FABP12: variants seen among roughly 807,000 people sequenced by gnomAD.
FABP12 encodes fatty acid-binding protein 12.
In FABP12, 19 loss-of-function variants were observed where a neutral mutation model predicts 13.7. The observed-to-expected ratio is 1.39, with a 90% CI of 0.97 to 2.04. The LOEUF is 2.04. FABP12 is among the 30% of genes most tolerant of loss of function. The pLI is 0.00. For missense variants in FABP12, 182 were observed against 164.2 expected (o/e 1.11, Z -0.59); for synonymous variants, 61 against 57.0 (o/e 1.07, Z -0.32).
At chr8:81,535,782 C>T (rs1367019717), upstream of FABP12, among the ~76,000 whole-genome samples, 2 of 152,172 alleles carry the variant, frequency 1.3e-5, no homozygotes, top group East Asian at 3.8e-4. Context: ...CTTCTGTGGG[C>T]TTGTCACCTA....
chr8:81,566,384 A>G (rs1809820250), intron 1 of FABP12, among the ~76,000 whole-genome samples: 1 of 152,124 alleles, frequency 6.6e-6, no homozygotes, highest in African/African-American at 2.4e-5. Context: ...CTACAAGCCA[A>G]TATCTGTGAT....
At chr8:81,536,574 G>A (rs1400770898), upstream of FABP12, among the ~76,000 whole-genome samples, 1 of 152,176 alleles carries the variant, frequency 6.6e-6, no homozygotes, top group African/African-American at 2.4e-5. Context: ...CCTACTAAAG[G>A]AAAGATCCCT....
At chr8:81,527,186 G>C in intron 3 of FABP12, 65 bp from the exon 4 acceptor site, 1 of 913,874 alleles carries the variant, frequency 1.1e-6, no homozygotes, top group East Asian at 2.6e-5. Flanking sequence ...ATTTTATCAG[G>C]CAGCAAATTC....
At chr8:81,558,887 CAAAAAAAAAAAAAA>C (rs35682824) in intron 1 of FABP12, among the ~76,000 whole-genome samples, 1 of 67,532 alleles carries the variant, frequency 1.5e-5, no homozygotes, top group African/African-American at 5.2e-5. Flanking sequence ...AAGGCTCCAT[CAAAAAAAAAAAAAA>C]AAAAAAAAAA....
intron 1 of FABP12, among the ~76,000 whole-genome samples, chr8:81,561,706 A>G (rs1286763528): frequency 6.6e-6 from 1 of 152,180 alleles, no homozygotes; most frequent in African/African-American, 2.4e-5. Flanking sequence ...GCCGAAAGCA[A>G]CACTAGAAGA....
At chr8:81,526,280 G>A (rs1034979030) in intron 4 of FABP12, 3 of 152,164 alleles carry the variant, frequency 2.0e-5, no homozygotes, top group African/African-American at 7.2e-5. Context: ...ATAGGTGGGG[G>A]TTTGGGAGAA....
intron 1 of FABP12, among the ~76,000 whole-genome samples, chr8:81,544,591 A>C (rs1809404603): frequency 6.6e-6 from 1 of 152,138 alleles, no homozygotes; most frequent in South Asian, 2.1e-4. Context: ...AACTATGGGG[A>C]ACAAGGTCTC....
upstream of FABP12, among the ~76,000 whole-genome samples, chr8:81,538,939 C>T (rs1809284950): frequency 6.6e-6 from 1 of 152,140 alleles, no homozygotes; most frequent in African/African-American, 2.4e-5. Context: ...ACCTCCACCT[C>T]CTGGGTTCAA....
At chr8:81,532,815 A>G (rs1809110721) in intron 1 of FABP12, 1 of 152,462 alleles carries the variant, frequency 6.6e-6, no homozygotes, top group South Asian at 2.1e-4. Context: ...TGGGCAACAG[A>G]GCAAGACTCC....
At chr8:81,566,032 A>G (rs1268565239) in intron 1 of FABP12, among the ~76,000 whole-genome samples, 1 of 152,052 alleles carries the variant, frequency 6.6e-6, no homozygotes, top group African/African-American at 2.4e-5. Flanking sequence ...TGGCTACTAT[A>G]AGCAATTATA....
At chr8:81,576,055 T>C (rs1194359998) in intron 1 of FABP12, among the ~76,000 whole-genome samples, 1 of 152,250 alleles carries the variant, frequency 6.6e-6, no homozygotes, top group Non-Finnish European at 1.5e-5. Flanking sequence ...AAAGCAAATG[T>C]ATTTGCAAAT....
intron 2 of FABP12, among the ~76,000 whole-genome samples, chr8:81,539,608 GA>G (rs1237547529): frequency 6.6e-6 from 1 of 152,086 alleles, no homozygotes; most frequent in Non-Finnish European, 1.5e-5. Flanking sequence ...CATGCTATGC[GA>G]TGCCTTACTC....
chr8:81,567,326 A>T (rs1809842127), intron 1 of FABP12, among the ~76,000 whole-genome samples: 1 of 152,216 alleles, frequency 6.6e-6, no homozygotes, highest in South Asian at 2.1e-4. Flanking sequence ...ATTTATATGG[A>T]ACCATAAAAG....
In FABP12 at chr8:81,574,659, C is replaced by T. The variant is rs181361035; in HGVS notation, c.-185+15394G>A. ...ATTGTTCTGTTCAGGGTATCTAAGT[C>T]TTCCTGATTTAAGCTAGGAGCATTG... On this transcript the variant is annotated intron_variant, in intron 1 of 5. Transcript: ENST00000692030. 4.3e-3 allele frequency among the ~76,000 whole-genome samples: 658 copies of T among 152,218 alleles called. 2 individuals are homozygous for T. Among genetic ancestry groups the T allele is most frequent in the Non-Finnish European group, 7.1e-3 (486 of 67,998 alleles).
chr8:81,535,934 C>G (rs1183108376), upstream of FABP12, among the ~76,000 whole-genome samples: 1 of 152,144 alleles, frequency 6.6e-6, no homozygotes, highest in East Asian at 1.9e-4. Flanking sequence ...TGAAGCAGCA[C>G]CCTTGTTGGC....
At chr8:81,550,131 C>T (rs891409439) in intron 1 of FABP12, among the ~76,000 whole-genome samples, 26 of 152,008 alleles carry the variant, frequency 1.7e-4, no homozygotes, top group African/African-American at 4.6e-4. Context: ...ATTCATATAC[C>T]CACTTATCCT....
intron 1 of FABP12, among the ~76,000 whole-genome samples, chr8:81,576,741 A>T (rs1447155378): frequency 6.6e-6 from 1 of 152,210 alleles, no homozygotes; most frequent in East Asian, 1.9e-4. Flanking sequence ...GAGTGGCTTA[A>T]AACCACAAAG....
intron 1 of FABP12, among the ~76,000 whole-genome samples, chr8:81,551,510 A>T (rs1280886722): frequency 6.6e-6 from 1 of 152,170 alleles, no homozygotes; most frequent in East Asian, 1.9e-4. Context: ...CTCGTTTTAT[A>T]AAAAGACTTA....
At chr8:81,569,993 C>G (rs1247502658) in intron 1 of FABP12, among the ~76,000 whole-genome samples, 1 of 152,216 alleles carries the variant, frequency 6.6e-6, no homozygotes, top group African/African-American at 2.4e-5. Flanking sequence ...AGGCATGGAG[C>G]TGCAAGGAGC....
Sources: gnomAD v4.1 joint callset for allele counts (sites outside exome capture counted in the v4.1 genomes callset) on GRCh38, gnomAD v4.1.1 for gene constraint, MANE v1.5 for transcripts, NCBI Gene and HGNC (gene_info 2026-07-23, HGNC 2026-07-21) for gene names.